Variants in MTCL1 observed in about 807,000 individuals in gnomAD.
MTCL1 encodes microtubule crosslinking factor 1, also known as microtubule cross-linking factor 1.
Under a neutral mutation model 141.4 loss-of-function variants are expected in MTCL1, and 79 were observed. That is an observed-to-expected ratio of 0.56 (90% CI 0.47 to 0.67). The LOEUF (loss-of-function observed/expected upper bound fraction) is 0.67, where lower values mean the gene tolerates loss of function less well. MTCL1 is among the 30% of genes least tolerant of loss of function. MTCL1 has a pLI of 0.00. For synonymous variants in MTCL1, 914 were observed against 875.8 expected (o/e 1.04, Z -0.77); for missense variants, 2,177 against 2,113.9 (o/e 1.03, Z -0.59).
At chr18:8,809,447 G>A in intron 11 of MTCL1, 3 of 1,533,684 alleles carry the variant, frequency 2.0e-6, no homozygotes, top group South Asian at 1.2e-5. Flanking sequence ...TTTCCCGTTA[G>A]AATTGTTGTG....
chr18:8,725,166 G>T (rs1268548258), intron 4 of MTCL1, among the ~76,000 whole-genome samples: 1 of 151,936 alleles, frequency 6.6e-6, no homozygotes, highest in African/African-American at 2.4e-5. Context: ...CAACTAGCCA[G>T]GTTAGCCAGC....
At chr18:8,825,433 C>A in exon 15 of MTCL1, 1 of 1,561,066 alleles carries the variant, frequency 6.4e-7, no homozygotes, top group Non-Finnish European at 8.7e-7. Flanking sequence ...AAGGACATGG[C>A]CTGCCAGACC....
chr18:8,817,753 A>G (rs2076706328), intron 12 of MTCL1, among the ~76,000 whole-genome samples: 1 of 152,198 alleles, frequency 6.6e-6, no homozygotes, highest in Non-Finnish European at 1.5e-5. Flanking sequence ...TCAAATCCAA[A>G]TGTCACTTTC....
intron 4 of MTCL1, among the ~76,000 whole-genome samples, chr18:8,740,734 C>T (rs944394875): frequency 3.3e-5 from 5 of 152,120 alleles, no homozygotes; most frequent in Admixed American, 6.5e-5. Context: ...CTGCCTGCCT[C>T]GGCTTCCCAA....
At chr18:8,766,625 G>A (rs3810047) in intron 4 of MTCL1, among the ~76,000 whole-genome samples, 1 of 152,210 alleles carries the variant, frequency 6.6e-6, no homozygotes, top group Non-Finnish European at 1.5e-5. Context: ...GTTCATTCCA[G>A]ACAGCACCAG....
At chr18:8,744,187 GGGCC>G (rs2096321792) in intron 4 of MTCL1, among the ~76,000 whole-genome samples, 1 of 152,204 alleles carries the variant, frequency 6.6e-6, no homozygotes, top group Non-Finnish European at 1.5e-5. Flanking sequence ...GCAGCTGCCC[GGGCC>G]CACTGGCACC....
At position 8,725,911 on chromosome 18, in the gene MTCL1, T is replaced by C. The variant is rs188908786; in HGVS notation, c.357+5415T>C. On this transcript the variant is annotated intron_variant, in intron 4 of 16. Transcript: ENST00000359865. ...TTCACGCCATTCTCCTGCCTCAGCC[T>C]CCGGAGCAGCTGGGACTACAGGCAC... Among the ~76,000 whole-genome samples the C allele has an allele frequency of 2.5e-3, 369 of 149,124 alleles. 1 individual carries two copies. Among genetic ancestry groups the C allele is most frequent in the African/African-American group, 8.3e-3 (340 of 40,836 alleles).
At chr18:8,796,485 T>C (rs1447086957) in intron 9 of MTCL1, 23 bp downstream of exon 8, 2 of 1,610,958 alleles carry the variant, frequency 1.2e-6, no homozygotes, top group Non-Finnish European at 1.7e-6. Flanking sequence ...TCGAATTCCT[T>C]TTATTTGCAT....
rs545698751 is a variant in MTCL1 at position 8,830,256 on chromosome 18, G to A, written c.*18+1292G>A. 6 of 985,370 alleles carry A rather than the reference G, an allele frequency of 6.1e-6. No individual in the cohort carries two copies. Among genetic ancestry groups the A allele is most frequent in the African/African-American group, 3.5e-5 (2 of 57,206 alleles). The allele number at this position is 985,370 out of a possible 1,614,324, so 61.0% of individuals were successfully genotyped here. On this transcript the variant is annotated intron_variant, in intron 16 of 16. Coordinates refer to ENST00000359865, the Ensembl canonical transcript of MTCL1. The surrounding 1 kb of genome is among the most constrained non-coding windows in gnomAD (Gnocchi z 6.4). The stretch of plus-strand genomic sequence containing the variant: ...CTGGAGAGGTATTTCTGGTTGTCAC[G>A]GTACTGTTAGCATAATGCTTTGGGA...
At chr18:8,720,858 T>C (rs1444848722) in intron 4 of MTCL1, among the ~76,000 whole-genome samples, 2 of 150,794 alleles carry the variant, frequency 1.3e-5, no homozygotes, top group Non-Finnish European at 2.9e-5. Context: ...ATTAATTCCT[T>C]TGATGTGTCC....
chr18:8,754,069 T>C (rs755218214), intron 4 of MTCL1, among the ~76,000 whole-genome samples: 6 of 152,106 alleles, frequency 3.9e-5, no homozygotes, highest in Admixed American at 1.3e-4. Flanking sequence ...CTACTTCCTA[T>C]TTATTTATTT....
At chr18:8,714,935 TAC>T (rs897796797), upstream of MTCL1, among the ~76,000 whole-genome samples, 1 of 152,134 alleles carries the variant, frequency 6.6e-6, no homozygotes, top group Admixed American at 6.5e-5. Flanking sequence ...TAGCTGGGAC[TAC>T]AGGTGCCCGC....
chr18:8,801,905 G>A lies in MTCL1; in HGVS notation c.2436+3614G>A, dbSNP rs530337341. 11 of 152,326 alleles carry A rather than the reference G, an allele frequency of 7.2e-5. No individual in the cohort carries two copies. In the East Asian group the frequency reaches 2.1e-3, roughly 29 times the overall value. 9.4% of individuals were successfully genotyped at this position (152,326 alleles called of 1,614,324 possible). A position where few individuals can be genotyped will look rare whatever the true frequency, so the allele number is the denominator to read the frequency against. On this transcript the variant is annotated intron_variant, in intron 10 of 16. Transcript: ENST00000359865. ...ATCACCGGGCAGACTCTTGGCCAGA[G>A]GGCAGAGGACTTCTGTGTGTAAATG...
At chr18:8,718,604 C>G (rs759585793) in exon 3 of MTCL1, 23 of 1,613,638 alleles carry the variant, frequency 1.4e-5, no homozygotes, top group Non-Finnish European at 1.9e-5. Context: ...TGAGACGGGT[C>G]AGGTGGATGG....
At chr18:8,744,246 C>T (rs545343397) in intron 4 of MTCL1, among the ~76,000 whole-genome samples, 5 of 152,344 alleles carry the variant, frequency 3.3e-5, no homozygotes, top group East Asian at 3.9e-4. Context: ...GCCAGGTCTC[C>T]GGTTTCCCGG....
intron 11 of MTCL1, 80 bp from the exon 11 acceptor site, chr18:8,812,899 A>T: frequency 6.6e-7 from 1 of 1,511,220 alleles, no homozygotes; most frequent in Non-Finnish European, 8.9e-7. Context: ...TCCAGGGATC[A>T]CATGTAAATG....
chr18:8,732,561 G>A, intron 4 of MTCL1, among the ~76,000 whole-genome samples: 1 of 152,184 alleles, frequency 6.6e-6, no homozygotes, highest in East Asian at 1.9e-4. Context: ...GAAATGGTAT[G>A]ATTATGAGCC....
intron 4 of MTCL1, among the ~76,000 whole-genome samples, chr18:8,774,482 C>G (rs1245363837): frequency 6.6e-6 from 1 of 151,062 alleles, no homozygotes; most frequent in Admixed American, 6.6e-5. Flanking sequence ...TTTTCTTTTT[C>G]TTTCTTTCCT....
At position 8,830,219 on chromosome 18, in the gene MTCL1, G is replaced by A. The variant is rs1019401864; in HGVS notation, c.*18+1255G>A. 4.1e-6 allele frequency: 4 copies of A among 985,616 alleles called. No homozygotes were observed. Among genetic ancestry groups the A allele is most frequent in the Non-Finnish European group, 4.8e-6 (4 of 830,186 alleles). 61.1% of individuals were successfully genotyped at this position (985,616 alleles called of 1,614,324 possible). On this transcript the variant is annotated intron_variant, in intron 16 of 16. Coordinates refer to ENST00000359865, the Ensembl canonical transcript of MTCL1. This position sits in a 1 kb window ranked among gnomAD's most constrained non-coding sequence, Gnocchi z 6.4. ...TGCATCTTGGTGGCTGGTGGCGCTG[G>A]TGGAGTTTTAACTGGAGAGGTATTT... is the stretch of plus-strand genomic sequence containing the variant.
Sources: allele counts gnomAD v4.1 joint callset (sites outside exome capture counted in the v4.1 genomes callset), GRCh38; gene constraint gnomAD v4.1.1; non-coding constraint Gnocchi (gnomAD v3.1); transcripts MANE v1.5; gene names NCBI Gene and HGNC (gene_info 2026-07-23, HGNC 2026-07-21).